The following FBXW7 variants were observed in gnomAD, a reference collection of about 807,000 sequenced individuals.
The protein encoded by FBXW7 is F-box and WD repeat domain containing 7, also known as F-box/WD repeat-containing protein 7.
A neutral mutation model predicts 86.3 loss-of-function variants in FBXW7; 11 were observed. The ratio of observed to expected loss-of-function variants is 0.13; its 90% CI spans 0.08 to 0.21. FBXW7 has a LOEUF of 0.21. Among genes scored for constraint, FBXW7 ranks in the 10% least tolerant of loss-of-function variants. The pLI is 1.00. For missense variants in FBXW7, 488 were observed against 847.4 expected (o/e 0.58, Z 5.27); for synonymous variants, 313 against 297.9 (o/e 1.05, Z -0.52).
At chr4:152,348,810 G>C in intron 5 of FBXW7, 1 of 507,012 alleles carries the variant, frequency 2.0e-6, no homozygotes, top group Non-Finnish European at 3.1e-6. Context: ...GCAAAATGAA[G>C]TGAATAGTTT....
intron 4 of FBXW7, among the ~76,000 whole-genome samples, chr4:152,397,403 G>GTTTTTC (rs1560847369): frequency 6.6e-6 from 1 of 151,686 alleles, no homozygotes; most frequent in Non-Finnish European, 1.5e-5. Flanking sequence ...CCAGCACAAT[G>GTTTTTC]TTTTTCTTTT....
intron 2 of FBXW7, among the ~76,000 whole-genome samples, chr4:152,475,891 T>A (rs995776150): frequency 1.8e-4 from 28 of 152,160 alleles, no homozygotes; most frequent in African/African-American, 6.5e-4. Flanking sequence ...GAAGGCTCAA[T>A]ATTGGCAAAA....
At chr4:152,352,524 C>G (rs1560793564) in intron 4 of FBXW7, 1 of 1,613,894 alleles carries the variant, frequency 6.2e-7, no homozygotes, top group Non-Finnish European at 8.5e-7. Flanking sequence ...CTGTATTTTT[C>G]CCCTTCAGTG....
chr4:152,454,261 CCT>C (rs1491235454), intron 2 of FBXW7, among the ~76,000 whole-genome samples: 71 of 129,564 alleles, frequency 5.5e-4, no homozygotes, highest in East Asian at 3.4e-3. Context: ...GCCCCCCCCC[CCT>C]TTTTTTTTTT....
intron 12 of FBXW7, 57 bp downstream of exon 12, chr4:152,325,949 T>C: frequency 6.9e-7 from 1 of 1,448,888 alleles, no homozygotes; most frequent in East Asian, 2.3e-5. Flanking sequence ...ATTATCTGAG[T>C]AAAACAACCT....
chr4:152,533,464 A>G (rs1296498881), intron 2 of FBXW7, among the ~76,000 whole-genome samples: 1 of 152,184 alleles, frequency 6.6e-6, no homozygotes, highest in Admixed American at 6.5e-5. Flanking sequence ...TTTTCATGTC[A>G]GTACACATTT....
chr4:152,534,406 A>G (rs749359103), intron 2 of FBXW7, among the ~76,000 whole-genome samples: 7 of 152,216 alleles, frequency 4.6e-5, no homozygotes, highest in Non-Finnish European at 5.9e-5. Context: ...CCTGACACAC[A>G]TGAAATTGGA....
intron 6 of FBXW7, among the ~76,000 whole-genome samples, chr4:152,344,731 C>T (rs1731090777): frequency 6.6e-6 from 1 of 152,006 alleles, no homozygotes; most frequent in East Asian, 1.9e-4. Context: ...ATGCCTCTTC[C>T]TATAGATCAA....
Position 152,496,550 on chromosome 4 carries a change from C to T in FBXW7, c.-120+38391G>A, listed in dbSNP as rs371610289. The stretch of plus-strand genomic sequence containing the variant: ...AAAATCAGCCAGGCATGGTGGCAGG[C>T]GCCTGTAATCCCAGCTACTGGGGAG... On this transcript the variant is annotated intron_variant, in intron 2 of 13. Transcript: ENST00000281708. Among the ~76,000 whole-genome samples the T allele has an allele frequency of 7.9e-5, 12 of 151,850 alleles. No individual in the cohort carries two copies. In the East Asian group the frequency reaches 1.5e-3, roughly 20 times the overall value.
intron 2 of FBXW7, among the ~76,000 whole-genome samples, chr4:152,524,632 C>T (rs79868336): frequency 0.014 from 2,083 of 152,266 alleles, 25 homozygotes; most frequent in Middle Eastern, 0.037. Context: ...CTGACTAAGA[C>T]TGAACTCAAA....
At chr4:152,350,869 G>A (rs191210503) in intron 4 of FBXW7, among the ~76,000 whole-genome samples, 2 of 151,854 alleles carry the variant, frequency 1.3e-5, no homozygotes. Flanking sequence ...TCTTCTATAA[G>A]GTGTATCCAA....
At chr4:152,499,364 C>A (rs1401640460) in intron 2 of FBXW7, among the ~76,000 whole-genome samples, 1 of 152,116 alleles carries the variant, frequency 6.6e-6, no homozygotes, top group South Asian at 2.1e-4. Context: ...GCAAGGAATA[C>A]TAGGAAATTG....
At chr4:152,483,514 G>A (rs868571938) in intron 2 of FBXW7, among the ~76,000 whole-genome samples, 2 of 152,044 alleles carry the variant, frequency 1.3e-5, no homozygotes, top group South Asian at 4.2e-4. Context: ...ACCAGCCTAG[G>A]GAACATGAAA....
chr4:152,435,311 T>C (rs1482354996), intron 2 of FBXW7, among the ~76,000 whole-genome samples: 3 of 152,226 alleles, frequency 2.0e-5, no homozygotes, highest in Middle Eastern at 3.2e-3. Context: ...TTTAACAACT[T>C]TGAAAGATTA....
intron 2 of FBXW7, among the ~76,000 whole-genome samples, chr4:152,443,286 A>T (rs1741073493): frequency 6.6e-6 from 1 of 152,142 alleles, no homozygotes; most frequent in African/African-American, 2.4e-5. Context: ...AAAACAAAAA[A>T]CATATTAAAG....
At chr4:152,531,472 A>G (rs1458901750) in intron 2 of FBXW7, among the ~76,000 whole-genome samples, 1 of 152,154 alleles carries the variant, frequency 6.6e-6, no homozygotes, top group Non-Finnish European at 1.5e-5. Flanking sequence ...CCTTCCTCAC[A>G]ATCCTTAATC....
chr4:152,395,018 T>C (rs956362476), intron 4 of FBXW7, among the ~76,000 whole-genome samples: 3 of 152,188 alleles, frequency 2.0e-5, no homozygotes, highest in South Asian at 2.1e-4. Flanking sequence ...ATTCCTTTTA[T>C]GTAATATTAG....
chr4:152,491,534 G>A (rs886325263), intron 2 of FBXW7, among the ~76,000 whole-genome samples: 1 of 152,144 alleles, frequency 6.6e-6, no homozygotes, highest in Non-Finnish European at 1.5e-5. Flanking sequence ...CGTTTAGAAT[G>A]ATATTTGGAA....
intron 4 of FBXW7, among the ~76,000 whole-genome samples, chr4:152,362,188 T>A (rs778269948): frequency 6.6e-6 from 1 of 152,078 alleles, no homozygotes; most frequent in Non-Finnish European, 1.5e-5. Context: ...TATGAACAAG[T>A]GCATATAGCT....
Sources: gnomAD v4.1 joint callset for allele counts (sites outside exome capture counted in the v4.1 genomes callset) on GRCh38, gnomAD v4.1.1 for gene constraint, MANE v1.5 for transcripts, NCBI Gene and HGNC (gene_info 2026-07-23, HGNC 2026-07-21) for gene names.